Variants in VPS13D observed in about 807,000 individuals in gnomAD.
VPS13D encodes intermembrane lipid transfer protein VPS13D.
VPS13D carries 187 observed loss-of-function variants against 461.9 expected under a neutral mutation model. The observed-to-expected ratio is 0.40, with a 90% CI of 0.36 to 0.46. VPS13D has a LOEUF of 0.46. Among genes scored for constraint, VPS13D ranks in the 20% least tolerant of loss-of-function variants. The probability of loss-of-function intolerance (pLI) is 0.60; values close to 1 mark genes in which losing one functional copy is unlikely to be tolerated. For missense variants in VPS13D, 4,711 were observed against 5,364.9 expected (o/e 0.88, Z 3.81); for synonymous variants, 1,951 against 1,986.3 (o/e 0.98, Z 0.47).
chr1:12,431,274 A>G (rs1422298899), intron 65 of VPS13D, among the ~76,000 whole-genome samples: 1 of 152,130 alleles, frequency 6.6e-6, no homozygotes, highest in Non-Finnish European at 1.5e-5. Context: ...TCCCAGATGC[A>G]GACTCTTAAC....
intron 26 of VPS13D, among the ~76,000 whole-genome samples, chr1:12,306,244 G>A (rs1045251675): frequency 3.9e-5 from 6 of 152,184 alleles, no homozygotes; most frequent in African/African-American, 1.4e-4. Flanking sequence ...TTTCACAGAT[G>A]AAGAGGCAAA....
In VPS13D at chr1:12,279,663, C is replaced by T. The variant is rs1641718789; in HGVS notation, c.4602+13C>T. 1 of 1,603,254 alleles carries T rather than the reference C, an allele frequency of 6.2e-7. No homozygotes were observed. The highest frequency in any genetic ancestry group is 1.1e-5 in the South Asian group (1 of 89,870). ...CAATCCAGTTCAGGTAAATTCATGT[C>T]AGGGCAGTTGAAGTCATATGTTTAT... On this transcript the variant is annotated intron_variant, in intron 20 of 69. Transcript: ENST00000620676. This position sits in a 1 kb window ranked among gnomAD's most constrained non-coding sequence, Gnocchi z 4.3.
At chr1:12,273,706 C>T (rs1055666073) in intron 18 of VPS13D, among the ~76,000 whole-genome samples, 1 of 152,112 alleles carries the variant, frequency 6.6e-6, no homozygotes, top group Non-Finnish European at 1.5e-5. Flanking sequence ...CAAGGTTATT[C>T]TGTGTTGTAA....
intron 65 of VPS13D, among the ~76,000 whole-genome samples, chr1:12,422,310 T>A (rs1478818760): frequency 1.3e-5 from 2 of 152,228 alleles, no homozygotes; most frequent in East Asian, 3.8e-4. Flanking sequence ...TAGAATTCAT[T>A]GTTCATTGTT....
intron 65 of VPS13D, among the ~76,000 whole-genome samples, chr1:12,441,669 GCTGTC>G (rs953218764): frequency 6.6e-6 from 1 of 152,184 alleles, no homozygotes; most frequent in Non-Finnish European, 1.5e-5. Flanking sequence ...TCCATAATGA[GCTGTC>G]CCCCCACCTT....
intron 49 of VPS13D, among the ~76,000 whole-genome samples, chr1:12,357,644 C>T (rs1399541458): frequency 6.6e-6 from 1 of 152,218 alleles, no homozygotes; most frequent in Non-Finnish European, 1.5e-5. Flanking sequence ...AGCTGGAACA[C>T]ACATTCAGGA....
Position 12,249,259 on chromosome 1 carries a change from G to A in VPS13D, c.484G>A (p.Gly162Ser), listed in dbSNP as rs1640656119. The change falls in exon 6 of 70, where the codon GGT becomes AGT. Residue 162 changes from glycine to serine, a missense_variant. This residue lies in a region of VPS13D where 4,411 missense variants were observed against 4,937.8 expected (regional missense o/e 0.89). Transcript: ENST00000620676. ...AGATGTCCATTTACGCTTTGAAGAT[G>A]GTGTCACCAATCCCTCCCATCCTTT... The part of the protein sequence containing the change: ...IQDVHLRFED[G>S]VTNPSHPFAF... 6.2e-7 allele frequency: 1 copy of A among 1,613,582 alleles called. No individual in the cohort carries two copies. Among genetic ancestry groups the A allele is most frequent in the East Asian group, 2.2e-5 (1 of 44,844 alleles).
chr1:12,497,322 A>G (rs1197304079), intron 67 of VPS13D, 178 bp from the exon 68 acceptor site: 2 of 626,594 alleles, frequency 3.2e-6, no homozygotes, highest in Non-Finnish European at 4.8e-6. Flanking sequence ...TTCAAAGTCA[A>G]ATGAGGGTCT....
chr1:12,416,854 T>C, intron 65 of VPS13D, 27 bp downstream of exon 65: 1 of 1,597,678 alleles, frequency 6.3e-7, no homozygotes, highest in Non-Finnish European at 8.5e-7. Flanking sequence ...GAAATTCCAT[T>C]ATAATTAACC....
At chr1:12,491,452 T>C (rs1259402371) in intron 67 of VPS13D, among the ~76,000 whole-genome samples, 1 of 152,228 alleles carries the variant, frequency 6.6e-6, no homozygotes, top group Non-Finnish European at 1.5e-5. Context: ...CTACGAATAA[T>C]TAATGCCTGG....
intron 2 of VPS13D, among the ~76,000 whole-genome samples, chr1:12,240,139 C>T (rs940129245): frequency 6.6e-6 from 1 of 152,024 alleles, no homozygotes; most frequent in Non-Finnish European, 1.5e-5. Flanking sequence ...CCTTTACATT[C>T]TCTCTCTCCT....
At chr1:12,409,756 C>A in intron 63 of VPS13D, 2 of 401,392 alleles carry the variant, frequency 5.0e-6, no homozygotes, top group Non-Finnish European at 4.9e-6. Context: ...TATAGCAGAC[C>A]CAGGCTAGTT....
At chr1:12,275,363 T>A (rs1002474989) in intron 18 of VPS13D, among the ~76,000 whole-genome samples, 19 of 150,976 alleles carry the variant, frequency 1.3e-4, no homozygotes, top group Admixed American at 1.2e-3. Context: ...TGCAGTGAAC[T>A]GAGATCGTGC....
chr1:12,388,818 G>A (rs908007594), intron 60 of VPS13D, among the ~76,000 whole-genome samples: 7 of 152,048 alleles, frequency 4.6e-5, no homozygotes, highest in African/African-American at 1.7e-4. Flanking sequence ...ACACATTAAG[G>A]ATAAAGACAC....
Position 12,358,566 on chromosome 1 carries a change from A to G in VPS13D, c.10106A>G (p.Gln3369Arg), listed in dbSNP as rs760082377. The G allele has an allele frequency of 2.5e-6, 4 of 1,614,068 alleles. No homozygotes were observed. Among genetic ancestry groups the G allele is most frequent in the Non-Finnish European group, 3.4e-6 (4 of 1,180,042 alleles). The change falls in exon 50 of 70, where the codon CAG (glutamine) becomes CGG (arginine). Residue 3369 changes from glutamine to arginine, a missense_variant. Physicochemically the swap from Gln to Arg is conservative, Grantham distance 43. Transcript: ENST00000620676. Reference sequence around the variant, plus strand: ...GGTGTCCGAGCTTTGAAAGTCATCCAGCAAGGAAACCGCCCAGGGCTGATC... The same window carrying G: ...GGTGTCCGAGCTTTGAAAGTCATCCGGCAAGGAAACCGCCCAGGGCTGATC... The part of the protein sequence containing the change: ...GSGVRALKVI[Q>R]QGNRPGLIYN...
chr1:12,480,300 C>T (rs910926895), intron 67 of VPS13D, among the ~76,000 whole-genome samples: 12 of 152,194 alleles, frequency 7.9e-5, no homozygotes, highest in Admixed American at 1.3e-4. Flanking sequence ...AAGAAGCCTC[C>T]GCAGTAGACT....
At chr1:12,494,756 A>G (rs1303350091) in intron 67 of VPS13D, among the ~76,000 whole-genome samples, 1 of 152,232 alleles carries the variant, frequency 6.6e-6, no homozygotes, top group Non-Finnish European at 1.5e-5. Context: ...AGTGGGGCAG[A>G]CAGAGACAGC....
chr1:12,349,913 A>G (rs751832437), intron 46 of VPS13D, among the ~76,000 whole-genome samples: 7 of 152,248 alleles, frequency 4.6e-5, no homozygotes, highest in Admixed American at 6.5e-5. Flanking sequence ...ACACCCTAAC[A>G]AATTTAGACT....
Position 12,362,727 on chromosome 1 carries a change from T to C in VPS13D, c.10149T>C (p.Asp3383=). The C allele has an allele frequency of 6.2e-7, 1 of 1,614,124 alleles. No homozygotes were observed. The highest frequency in any genetic ancestry group is 8.5e-7 in the Non-Finnish European group (1 of 1,179,976). The part of the protein sequence containing the change: ...RPGLIYNIGI[D]VKKGRGRYID... Reference sequence around the variant, plus strand: ...GGTTCTTGTTATTTGTAGGTATTGATGTCAAGAAAGGCCGAGGTCGATACA... The same window carrying C: ...GGTTCTTGTTATTTGTAGGTATTGACGTCAAGAAAGGCCGAGGTCGATACA... Residue 3383 remains aspartate (D), a synonymous_variant, in exon 51 of 70, where the codon GAT becomes GAC. Coordinates refer to ENST00000620676, the MANE Select transcript of VPS13D (RefSeq NM_015378.4).
Sources: allele counts gnomAD v4.1 joint callset (sites outside exome capture counted in the v4.1 genomes callset), GRCh38; gene constraint gnomAD v4.1.1; regional missense constraint gnomAD v4.1.1; non-coding constraint Gnocchi (gnomAD v3.1); transcripts MANE v1.5; gene names NCBI Gene and HGNC (gene_info 2026-07-23, HGNC 2026-07-21).